DNAH11: variants seen among roughly 807,000 people sequenced by gnomAD.
DNAH11 encodes the protein axonemal beta dynein heavy chain 11.
In DNAH11, 442 loss-of-function variants were observed where a neutral mutation model predicts 526.0. The ratio of observed to expected loss-of-function variants is 0.84; its 90% confidence interval spans 0.78 to 0.91. The LOEUF is 0.91. Ranked by LOEUF, DNAH11 falls within the 40% of genes least tolerant of loss-of-function variation. The pLI is 0.00. For synonymous variants in DNAH11, 2,461 were observed against 1,935.9 expected, an observed-to-expected ratio of 1.27 and a Z score of -7.12; for missense variants, 6,989 against 5,448.7, an observed-to-expected ratio of 1.28 and a Z score of -8.90.
chr7:21,693,055 T>G (rs887396982), intron 35 of DNAH11, among the ~76,000 whole-genome samples: 2 of 152,214 alleles, frequency 1.3e-5, no homozygotes, highest in African/African-American at 4.8e-5. Context: ...GTGGCTTGCC[T>G]TTTCATTTTC....
chr7:21,657,863 C>G (rs1314995158), intron 29 of DNAH11, among the ~76,000 whole-genome samples: 1 of 152,132 alleles, frequency 6.6e-6, no homozygotes, highest in African/African-American at 2.4e-5. Context: ...CACTCATTAA[C>G]CACTTATCAC....
chr7:21,699,375 A>G (rs1698717691), intron 36 of DNAH11, among the ~76,000 whole-genome samples: 1 of 152,204 alleles, frequency 6.6e-6, no homozygotes, highest in South Asian at 2.1e-4. Flanking sequence ...ATATATCAGC[A>G]TCAATATTTT....
chr7:21,638,791 T>A, intron 27 of DNAH11, 148 bp from the exon 28 acceptor site: 1 of 875,448 alleles, frequency 1.1e-6, no homozygotes, highest in Non-Finnish European at 1.8e-6. Context: ...GCAAGATAGA[T>A]GATGGTGTAA....
intron 18 of DNAH11, among the ~76,000 whole-genome samples, chr7:21,602,418 A>G (rs889396556): frequency 1.1e-4 from 17 of 152,178 alleles, no homozygotes; most frequent in African/African-American, 3.1e-4. Context: ...ATAGATTTCT[A>G]TGCCATCCAC....
chr7:21,545,586 A>T (rs181781492), intron 2 of DNAH11, among the ~76,000 whole-genome samples: 4 of 152,352 alleles, frequency 2.6e-5, no homozygotes, highest in Admixed American at 2.6e-4. Flanking sequence ...CTAACAGTTA[A>T]AGACTAAGAT....
intron 5 of DNAH11, 146 bp downstream of exon 5, chr7:21,561,316 T>C (rs903440238): frequency 4.7e-6 from 3 of 641,024 alleles, no homozygotes; most frequent in African/African-American, 3.7e-5. Context: ...CATCTCACCC[T>C]TTGTACTATA....
chr7:21,639,143 C>T (rs1787008826), intron 28 of DNAH11, 78 bp downstream of exon 28: 18 of 1,458,558 alleles, frequency 1.2e-5, no homozygotes, highest in South Asian at 3.0e-5. Context: ...TTGTCAAATG[C>T]TACCTGTCAT....
intron 8 of DNAH11, among the ~76,000 whole-genome samples, chr7:21,578,353 A>G (rs2128439702): frequency 6.6e-6 from 1 of 152,368 alleles, no homozygotes; most frequent in Non-Finnish European, 1.5e-5. Context: ...TTACATCTTA[A>G]AGCTCCAAAA....
At chr7:21,855,888 A>G (rs937486728) in intron 68 of DNAH11, among the ~76,000 whole-genome samples, 1 of 152,226 alleles carries the variant, frequency 6.6e-6, no homozygotes, top group East Asian at 1.9e-4. Flanking sequence ...TTATAAAAGT[A>G]GAAAGTATTG....
At chr7:21,736,230 G>T (rs1240830480) in intron 46 of DNAH11, among the ~76,000 whole-genome samples, 1 of 152,216 alleles carries the variant, frequency 6.6e-6, no homozygotes, top group Non-Finnish European at 1.5e-5. Flanking sequence ...CATTAAAACT[G>T]TGTTGAGTAA....
intron 30 of DNAH11, among the ~76,000 whole-genome samples, chr7:21,670,410 A>G (rs1782598460): frequency 6.6e-6 from 1 of 152,152 alleles, no homozygotes; most frequent in Non-Finnish European, 1.5e-5. Flanking sequence ...TTTACTTAGT[A>G]CATTTAGTAG....
At position 21,717,780 on chromosome 7, in the gene DNAH11, T is replaced by C; in HGVS notation, c.6989T>C (p.Val2330Ala). ...TTTTCTGTGTTCCTTTTCAGGTATG[T>C]GGCCAGTTGGATAGACAGAAGGCGG... ...NPQDLGWNPY[V>A]ASWIDRRRHQ... Residue 2330 changes from valine (V) to alanine (A), a missense_variant, in exon 43 of 82, where the codon GTG becomes GCG. Val to Ala is a moderately conservative substitution (Grantham distance 64). Coordinates refer to ENST00000409508, the MANE Select transcript of DNAH11 (RefSeq NM_001277115.2). 9 of 1,613,776 alleles carry C rather than the reference T, an allele frequency of 5.6e-6. No individual in the cohort carries two copies. The highest frequency in any genetic ancestry group is 7.6e-6 in the Non-Finnish European group (9 of 1,179,792).
intron 2 of DNAH11, among the ~76,000 whole-genome samples, chr7:21,546,634 C>T (rs891849765): frequency 6.6e-6 from 1 of 152,158 alleles, no homozygotes; most frequent in African/African-American, 2.4e-5. Flanking sequence ...GATGTGTTTC[C>T]ATACCAGAGT....
chr7:21,736,616 T>G (rs951595797), intron 46 of DNAH11, among the ~76,000 whole-genome samples: 11 of 152,230 alleles, frequency 7.2e-5, no homozygotes, highest in African/African-American at 2.7e-4. Context: ...CTCATTGACA[T>G]CATTAACAGC....
Position 21,793,615 on chromosome 7 carries a change from CA to C in DNAH11, c.10026+4289del, listed in dbSNP as rs35648252. ...TGGATGACAGAGTGAGACTCTGTCT[CA>C]AAAAAAAAAAAAAAAGAATTTGTAT... On this transcript the variant is annotated intron_variant, in intron 61 of 81. Coordinates refer to ENST00000409508, the MANE Select transcript of DNAH11 (RefSeq NM_001277115.2). Among the ~76,000 whole-genome samples, 1,015 of 106,138 alleles carry C rather than the reference CA, an allele frequency of 9.6e-3. 9 individuals are homozygous for C. Among genetic ancestry groups the C allele is most frequent in the South Asian group, 0.018 (61 of 3,376 alleles). 69.6% of individuals were successfully genotyped at this position (106,138 alleles called of 152,430 possible). A position where few individuals can be genotyped will look rare whatever the true frequency, so the allele number is the denominator to read the frequency against.
At chr7:21,859,340 C>G (rs559655927) in intron 68 of DNAH11, among the ~76,000 whole-genome samples, 1 of 152,188 alleles carries the variant, frequency 6.6e-6, no homozygotes, top group Non-Finnish European at 1.5e-5. Context: ...TCTCAAACTC[C>G]TGAACTCAGG....
chr7:21,709,223 C>G (rs527857547), intron 40 of DNAH11, among the ~76,000 whole-genome samples: 2 of 152,092 alleles, frequency 1.3e-5, no homozygotes, highest in South Asian at 2.1e-4. Context: ...ACATATACAC[C>G]ATGGAATACT....
intron 66 of DNAH11, among the ~76,000 whole-genome samples, chr7:21,844,339 C>T (rs1324627313): frequency 1.1e-4 from 17 of 152,170 alleles, no homozygotes; most frequent in Admixed American, 5.9e-4. Context: ...GGCACAAGAA[C>T]CACTTGAACC....
intron 43 of DNAH11, 26 bp downstream of exon 43, chr7:21,717,951 C>A: frequency 6.3e-7 from 1 of 1,594,892 alleles, no homozygotes; most frequent in Non-Finnish European, 8.6e-7. Flanking sequence ...CGCCATTTAA[C>A]GTTCTAGTTC....
Sources: gnomAD v4.1 joint callset for allele counts (sites outside exome capture counted in the v4.1 genomes callset) on GRCh38, gnomAD v4.1.1 for gene constraint, MANE v1.5 for transcripts, NCBI Gene and HGNC (gene_info 2026-07-23, HGNC 2026-07-21) for gene names.